Variants in ME1 observed in about 807,000 individuals in gnomAD.
The protein encoded by ME1 is malic enzyme 1.
A neutral mutation model predicts 66.4 loss-of-function variants in ME1; 74 were observed. That is an observed-to-expected ratio of 1.11 (90% CI 0.92 to 1.35). ME1 has a LOEUF of 1.35. Ranked by LOEUF, ME1 falls within the 40% of genes most tolerant of loss-of-function variation. The pLI, the probability that ME1 is intolerant of heterozygous loss-of-function variation, is 0.00. For missense variants in ME1, 750 were observed against 694.1 expected, an observed-to-expected ratio of 1.08 and a Z score of -0.90; for synonymous variants, 251 against 235.6, an observed-to-expected ratio of 1.07 and a Z score of -0.60.
chr6:83,398,304 C>T (rs531690233), intron 3 of ME1, 63 bp downstream of exon 3: 34 of 1,140,142 alleles, frequency 3.0e-5, no homozygotes, highest in Admixed American at 1.9e-4. Flanking sequence ...ATTTTAAATT[C>T]GTTAAAAAAC....
At position 83,430,857 on chromosome 6, in the gene ME1, A is replaced by T. The variant is rs778316315; in HGVS notation, c.78+20T>A. 13 of 1,588,412 alleles carry T rather than the reference A, an allele frequency of 8.2e-6. No individual in the cohort carries two copies. In the East Asian group the frequency reaches 3.0e-4, roughly 37 times the overall value. On this transcript the variant is annotated intron_variant, in intron 1 of 13. Coordinates refer to ENST00000369705, the MANE Select transcript of ME1 (RefSeq NM_002395.6). ...GATAGAGAGGGGCCGATGGGCGGCC[A>T]GGTGGGCCTGCGGGTTTACCTTGTT...
At chr6:83,430,348 C>T (rs115685546) in intron 1 of ME1, among the ~76,000 whole-genome samples, 69 of 152,292 alleles carry the variant, frequency 4.5e-4, no homozygotes, top group African/African-American at 1.5e-3. Context: ...CTCCAGAAAC[C>T]GAGAGGACTT....
At chr6:83,243,830 TATATA>T (rs1790561976) in intron 7 of ME1, among the ~76,000 whole-genome samples, 1 of 133,944 alleles carries the variant, frequency 7.5e-6, no homozygotes, top group African/African-American at 2.8e-5. Flanking sequence ...TATAATATAA[TATATA>T]ATATAAATTA....
At chr6:83,408,015 A>T (rs1376706144) in intron 1 of ME1, 114 bp from the exon 2 acceptor site, 3 of 1,244,176 alleles carry the variant, frequency 2.4e-6, no homozygotes, top group African/African-American at 3.1e-5. Context: ...AGTCTGCGTC[A>T]CTGGAAGCAT....
chr6:83,370,119 TAA>T (rs1769168828), intron 3 of ME1, among the ~76,000 whole-genome samples: 1 of 152,288 alleles, frequency 6.6e-6, no homozygotes, highest in South Asian at 2.1e-4. Flanking sequence ...CTAAAATTTG[TAA>T]AGACCGTTAC....
chr6:83,213,418 C>A (rs1390639519), intron 13 of ME1, among the ~76,000 whole-genome samples: 1 of 151,980 alleles, frequency 6.6e-6, no homozygotes, highest in African/African-American at 2.4e-5. Context: ...GAGCAAAACT[C>A]CATCTCAAAA....
At chr6:83,302,841 G>A (rs3798894) in intron 6 of ME1, among the ~76,000 whole-genome samples, 8,493 of 152,190 alleles carry the variant, frequency 0.056, 432 homozygotes, top group African/African-American at 0.13. Context: ...AGACAGGAAG[G>A]TGAAGTGCAT....
chr6:83,256,015 T>C lies in ME1; in HGVS notation c.705-2277A>G, dbSNP rs555775969. On this transcript the variant is annotated intron_variant, in intron 6 of 13. Coordinates refer to ENST00000369705, the MANE Select transcript of ME1 (RefSeq NM_002395.6). ...TTATAGTAATTTTAATATTTAGTAC[T>C]GTTAATCATCTTTTATCCTTCTTTT... 3.9e-5 allele frequency among the ~76,000 whole-genome samples: 6 copies of C among 152,300 alleles called. No individual in the cohort carries two copies. In the South Asian group the frequency reaches 1.2e-3, roughly 32 times the overall value.
At position 83,398,445 on chromosome 6, in the gene ME1, T is replaced by C. The variant is rs751247642; in HGVS notation, c.284A>G (p.Glu95Gly). The stretch of plus-strand genomic sequence containing the variant: ...AGTATAAACAATAGGCATGAATTTC[T>C]CAATGTCAGATGTCAGCACTCTATA... ...LFYRVLTSDI[E>G]KFMPIVYTPT... The change falls in exon 3 of 14, where the codon GAG becomes GGG. Residue 95 changes from glutamate (E) to glycine (G), a missense_variant. By Grantham distance (98) the Glu-to-Gly change is moderately conservative. Transcript: ENST00000369705. 2 of 1,599,010 alleles carry C rather than the reference T, an allele frequency of 1.3e-6. No homozygotes were observed. Among genetic ancestry groups the C allele is most frequent in the South Asian group, 2.2e-5 (2 of 89,428 alleles).
In ME1 at chr6:83,253,736, T is replaced by A; in HGVS notation, c.707A>T (p.Tyr236Phe). Reference protein sequence around the residue: ...DEFMEAVSSKYGMNCLIQFED... With the variant: ...DEFMEAVSSKFGMNCLIQFED... ...AAACTGAATAAGGCAATTCATGCCA[T>A]ACCTATGGGACAAAAACATTCATAT... Residue 236 changes from tyrosine to phenylalanine, a missense_variant and splice_region_variant, in exon 7 of 14, where the codon TAT (tyrosine) becomes TTT (phenylalanine). Physicochemically the swap from Tyr to Phe is conservative, Grantham distance 22 (BLOSUM62 3). Coordinates refer to ENST00000369705, the MANE Select transcript of ME1 (RefSeq NM_002395.6). 1 of 1,542,680 alleles carries A rather than the reference T, an allele frequency of 6.5e-7. No homozygotes were observed. The highest frequency in any genetic ancestry group is 1.1e-5 in the South Asian group (1 of 89,052).
chr6:83,333,255 T>G (rs1191989150), intron 5 of ME1, among the ~76,000 whole-genome samples: 2 of 152,184 alleles, frequency 1.3e-5, no homozygotes, highest in African/African-American at 4.8e-5. Flanking sequence ...AAGTGTAAAA[T>G]ATGCAGAGAT....
intron 7 of ME1, among the ~76,000 whole-genome samples, chr6:83,252,154 A>G (rs886819860): frequency 3.3e-5 from 5 of 152,216 alleles, no homozygotes; most frequent in Admixed American, 3.3e-4. Context: ...AATTCACTGA[A>G]AAGGAGAACA....
chr6:83,357,222 C>T (rs546515214), intron 3 of ME1, among the ~76,000 whole-genome samples: 1 of 152,260 alleles, frequency 6.6e-6, no homozygotes, highest in South Asian at 2.1e-4. Context: ...TGATGATGTT[C>T]ACATTTAACA....
At chr6:83,373,209 C>T (rs1418733) in intron 3 of ME1, among the ~76,000 whole-genome samples, 9,040 of 151,832 alleles carry the variant, frequency 0.06, 485 homozygotes, top group African/African-American at 0.14. Context: ...ATTGACAGAC[C>T]ACCAAACCAA....
chr6:83,250,799 C>T (rs953042391), intron 7 of ME1, among the ~76,000 whole-genome samples: 4 of 152,186 alleles, frequency 2.6e-5, no homozygotes, highest in African/African-American at 9.7e-5. Context: ...CTCACCAACT[C>T]TTTCATGTTT....
intron 5 of ME1, among the ~76,000 whole-genome samples, chr6:83,328,892 A>G (rs890709071): frequency 1.3e-5 from 2 of 152,178 alleles, no homozygotes; most frequent in African/African-American, 4.8e-5. Flanking sequence ...GGAATAAGAC[A>G]TATGGAAATA....
chr6:83,404,726 A>G (rs569608552), intron 2 of ME1, among the ~76,000 whole-genome samples: 28 of 152,250 alleles, frequency 1.8e-4, no homozygotes, highest in Non-Finnish European at 3.4e-4. Context: ...TCTGCATATG[A>G]CTAGCCAGTT....
rs7356973 is a variant in ME1 at position 83,237,717 on chromosome 6, C to A, written c.1026G>T (p.Lys342Asn). The A allele has an allele frequency of 1.3e-6, 2 of 1,549,916 alleles. No homozygotes were observed. The highest frequency in any genetic ancestry group is 4.5e-5 in the East Asian group (2 of 44,072). Residue 342 changes from lysine (K) to asparagine (N), a missense_variant and splice_region_variant, in exon 9 of 14, where the codon AAG becomes AAT. By Grantham distance (94) the Lys-to-Asn change is moderately conservative (BLOSUM62 0). Transcript: ENST00000369705. The part of the protein sequence containing the change: ...WLVDSKGLIV[K>N]GRASLTQEKE... ...CTGGTTAAAAATGACAAATTCTTAC[C>A]TTAACTATTAATCCTTTTGAATCAA... is the stretch of plus-strand genomic sequence containing the variant.
At chr6:83,398,027 C>A (rs924523563) in intron 3 of ME1, among the ~76,000 whole-genome samples, 1 of 152,020 alleles carries the variant, frequency 6.6e-6, no homozygotes, top group African/African-American at 2.4e-5. Context: ...TAAAAGGATA[C>A]AAAATTTCAG....
Sources: allele counts gnomAD v4.1 joint callset (sites outside exome capture counted in the v4.1 genomes callset), GRCh38; gene constraint gnomAD v4.1.1; transcripts MANE v1.5; gene names NCBI Gene and HGNC (gene_info 2026-07-23, HGNC 2026-07-21).